The following NAV2 variants were observed in gnomAD, a reference collection of about 807,000 sequenced individuals.
NAV2 encodes helicase, APC down-regulated 1.
In NAV2, 54 loss-of-function variants were observed where a neutral mutation model predicts 223.2. That is an observed-to-expected ratio of 0.24 (90% confidence interval 0.19 to 0.30). The LOEUF is 0.30. NAV2 is among the 10% of genes least tolerant of loss of function. The probability of loss-of-function intolerance (pLI) is 1.00; values close to 1 mark genes in which losing one functional copy is unlikely to be tolerated. For synonymous variants in NAV2, 1,279 were observed against 1,239.3 expected (o/e 1.03, Z -0.67); for missense variants, 2,806 against 3,147.5 (o/e 0.89, Z 2.60).
intron 1 of NAV2, among the ~76,000 whole-genome samples, chr11:19,816,400 G>A (rs1022018866): frequency 4.6e-5 from 7 of 152,242 alleles, no homozygotes; most frequent in Non-Finnish European, 1.0e-4. Context: ...CGGGCTGGAG[G>A]GCCATGGCCA....
At chr11:19,828,548 G>T (rs556324068) in intron 1 of NAV2, among the ~76,000 whole-genome samples, 3 of 151,698 alleles carry the variant, frequency 2.0e-5, no homozygotes, top group African/African-American at 7.3e-5. Flanking sequence ...GGAGTGCAAT[G>T]ATGCATGACG....
intron 10 of NAV2, among the ~76,000 whole-genome samples, chr11:19,974,538 C>A (rs944515047): frequency 5.3e-5 from 8 of 152,210 alleles, no homozygotes; most frequent in African/African-American, 1.9e-4. Context: ...GTAATCCCAA[C>A]ACTTTGGAGG....
At chr11:19,851,532 T>C (rs1197196460) in intron 3 of NAV2, among the ~76,000 whole-genome samples, 2 of 152,174 alleles carry the variant, frequency 1.3e-5, no homozygotes, top group Non-Finnish European at 2.9e-5. Flanking sequence ...TCTTCTCATC[T>C]GGAAAAGGAT....
At chr11:19,677,956 C>T (rs1006332602) in intron 1 of NAV2, among the ~76,000 whole-genome samples, 23 of 152,166 alleles carry the variant, frequency 1.5e-4, no homozygotes, top group Admixed American at 2.6e-4. Context: ...TTTTTCCAAA[C>T]GCCTGGAAAC....
chr11:19,392,730 G>C (rs1408711179), intron 1 of NAV2, among the ~76,000 whole-genome samples: 1 of 152,186 alleles, frequency 6.6e-6, no homozygotes, highest in Middle Eastern at 3.2e-3. Flanking sequence ...GGGAAGGGTG[G>C]TAAATAATTT....
intron 1 of NAV2, among the ~76,000 whole-genome samples, chr11:19,374,318 T>C (rs1156483482): frequency 1.4e-5 from 2 of 148,018 alleles, no homozygotes. Context: ...GGTTTTTTTT[T>C]TTTTTTTTTT....
At chr11:19,374,416 G>A (rs138091452) in intron 1 of NAV2, among the ~76,000 whole-genome samples, 92 of 151,394 alleles carry the variant, frequency 6.1e-4, no homozygotes, top group African/African-American at 2.0e-3. Context: ...TGGTTGCAGG[G>A]TGAGCTATCA....
At chr11:19,953,312 T>C (rs771910380) in intron 10 of NAV2, among the ~76,000 whole-genome samples, 11 of 152,230 alleles carry the variant, frequency 7.2e-5, no homozygotes, top group Non-Finnish European at 1.3e-4. Flanking sequence ...CTTAACTGAC[T>C]GTGGAGGCTC....
At chr11:19,362,766 A>G (rs562847826) in intron 1 of NAV2, among the ~76,000 whole-genome samples, 1 of 152,268 alleles carries the variant, frequency 6.6e-6, no homozygotes, top group South Asian at 2.1e-4. Flanking sequence ...ACATAGGGTA[A>G]TAATAGTATT....
intron 1 of NAV2, among the ~76,000 whole-genome samples, chr11:19,697,412 T>C (rs1317571698): frequency 2.0e-5 from 3 of 152,012 alleles, no homozygotes; most frequent in Admixed American, 1.3e-4. Flanking sequence ...TCTGCACATA[T>C]ATCCTTTAAT....
chr11:19,496,405 G>C (rs2042794710), intron 1 of NAV2, among the ~76,000 whole-genome samples: 1 of 152,218 alleles, frequency 6.6e-6, no homozygotes, highest in South Asian at 2.1e-4. Context: ...CTGGAGGCTT[G>C]ACTGGGGCTG....
In NAV2 at chr11:19,652,444, T is replaced by A. The variant is rs191851428; in HGVS notation, c.76-180040T>A. ...GGATATTTCTCTGAATAAACTGTGA[T>A]ATGCAGTGAGGAATCAAGGCTTCCC... is the stretch of plus-strand genomic sequence containing the variant. On this transcript the variant is annotated intron_variant, in intron 1 of 37. Coordinates refer to the NAV2 transcript ENST00000360655. 6.8e-3 allele frequency among the ~76,000 whole-genome samples: 1,032 copies of A among 152,288 alleles called. 11 individuals carry two copies. The highest frequency in any genetic ancestry group is 7.2e-3 in the Non-Finnish European group (491 of 68,020).
At chr11:20,026,629 T>C (rs1440253532) in intron 11 of NAV2, among the ~76,000 whole-genome samples, 1 of 152,224 alleles carries the variant, frequency 6.6e-6, no homozygotes, top group African/African-American at 2.4e-5. Context: ...ATAGTTTTAA[T>C]TAAAGTAACT....
chr11:19,591,857 A>G (rs760133323), intron 1 of NAV2, among the ~76,000 whole-genome samples: 4 of 152,216 alleles, frequency 2.6e-5, no homozygotes, highest in Non-Finnish European at 4.4e-5. Context: ...GCTTTTCAGC[A>G]TATACAGATG....
intron 11 of NAV2, among the ~76,000 whole-genome samples, chr11:19,997,915 A>C (rs894548215): frequency 1.3e-5 from 2 of 152,014 alleles, no homozygotes; most frequent in Non-Finnish European, 2.9e-5. Flanking sequence ...CCCAGGTAGG[A>C]TCCTCTGGGG....
At chr11:19,875,393 A>G (rs562380347) in intron 4 of NAV2, among the ~76,000 whole-genome samples, 1 of 152,230 alleles carries the variant, frequency 6.6e-6, no homozygotes, top group African/African-American at 2.4e-5. Flanking sequence ...GTTGAATATT[A>G]TATGTAATTT....
At chr11:19,429,651 G>T (rs1850971336) in intron 1 of NAV2, among the ~76,000 whole-genome samples, 1 of 152,200 alleles carries the variant, frequency 6.6e-6, no homozygotes, top group Non-Finnish European at 1.5e-5. Flanking sequence ...AGCACTGTTG[G>T]CTGGGCACTC....
chr11:19,550,490 G>A (rs1009372276), intron 1 of NAV2, among the ~76,000 whole-genome samples: 3 of 152,220 alleles, frequency 2.0e-5, no homozygotes, highest in African/African-American at 7.2e-5. Context: ...CAGAGGTCAA[G>A]GGGCTTGCTT....
At chr11:19,366,067 G>A (rs1848266750) in intron 1 of NAV2, among the ~76,000 whole-genome samples, 1 of 152,208 alleles carries the variant, frequency 6.6e-6, no homozygotes, top group African/African-American at 2.4e-5. Flanking sequence ...GGAGATGTCA[G>A]TAACCCAAAT....
Sources: gnomAD v4.1 joint callset for allele counts (sites outside exome capture counted in the v4.1 genomes callset) on GRCh38, gnomAD v4.1.1 for gene constraint, MANE v1.5 for transcripts, NCBI Gene and HGNC (gene_info 2026-07-23, HGNC 2026-07-21) for gene names.